PSPC1: variants seen among roughly 807,000 people sequenced by gnomAD.
PSPC1 encodes paraspeckle protein 1.
A neutral mutation model predicts 51.6 loss-of-function variants in PSPC1; 14 were observed. That is an observed-to-expected ratio of 0.27 (90% CI 0.18 to 0.42). PSPC1 has a LOEUF of 0.42. PSPC1 is among the 10% of genes least tolerant of loss of function. The pLI is 1.00. For missense variants in PSPC1, 406 were observed against 701.1 expected (o/e 0.58, Z 4.75); for synonymous variants, 193 against 231.9 (o/e 0.83, Z 1.53).
intron 3 of PSPC1, among the ~76,000 whole-genome samples, chr13:19,752,213 A>G (rs531980252): frequency 6.6e-6 from 1 of 152,264 alleles, no homozygotes; most frequent in South Asian, 2.1e-4. Flanking sequence ...CTAACTTACT[A>G]CCATTGTAGT....
chr13:19,759,511 A>G, intron 2 of PSPC1, 93 bp from the exon 3 acceptor site: 1 of 871,490 alleles, frequency 1.1e-6, no homozygotes, highest in Non-Finnish European at 1.8e-6. Context: ...AAAGATATAT[A>G]CTTAGAAAAT....
rs181785626 is a variant in PSPC1 at position 19,765,794 on chromosome 13, T to C, written c.675-6376A>G. Among the ~76,000 whole-genome samples the C allele has an allele frequency of 3.3e-4, 50 of 152,208 alleles. 1 individual carries two copies. Among genetic ancestry groups the C allele is most frequent in the African/African-American group, 1.1e-3 (46 of 41,532 alleles). On this transcript the variant is annotated intron_variant, in intron 2 of 8. Transcript: ENST00000338910. ...GGATCCAATTAGCACTGATAGTATA[T>C]CAAGGGTTAATGTTGCTTTCCTAAA...
chr13:19,749,164 T>C (rs1404909249), intron 4 of PSPC1, among the ~76,000 whole-genome samples: 1 of 152,204 alleles, frequency 6.6e-6, no homozygotes, highest in African/African-American at 2.4e-5. Flanking sequence ...CTGGCCAACA[T>C]GGTAAAACCC....
In PSPC1 at chr13:19,782,576, A is replaced by T. The variant is rs759999858; in HGVS notation, c.182T>A (p.Met61Lys). 6.2e-7 allele frequency: 1 copy of T among 1,602,734 alleles called. No homozygotes were observed. Among genetic ancestry groups the T allele is most frequent in the Non-Finnish European group, 8.5e-7 (1 of 1,175,384 alleles). Residue 61 changes from methionine (M) to lysine (K), a missense_variant, in exon 1 of 9, where the codon ATG (methionine) becomes AAG (lysine). Met to Lys is a moderately conservative substitution (Grantham distance 95, BLOSUM62 -1). Around this residue, in one of 5 missense-constraint regions of PSPC1, gnomAD observed 128 missense variants for 107.1 expected, o/e 1.20. Transcript: ENST00000338910. The surrounding 1 kb of genome is among the most constrained non-coding windows in gnomAD (Gnocchi z 4.5). Reference protein sequence around the residue: ...APPEDHPDEEMGFTIDIKSFL... With the variant: ...APPEDHPDEEKGFTIDIKSFL... ...ACTCTTGATGTCGATAGTGAACCCCATCTCCTCGTCCGGGTGGTCCTCTGG... is the reference window on the plus strand; with the variant it reads ...ACTCTTGATGTCGATAGTGAACCCCTTCTCCTCGTCCGGGTGGTCCTCTGG...
At chr13:19,714,245 CT>C (rs1347043667) in intron 6 of PSPC1, among the ~76,000 whole-genome samples, 1 of 152,086 alleles carries the variant, frequency 6.6e-6, no homozygotes, top group East Asian at 1.9e-4. Context: ...GAATGAAATA[CT>C]TTTTTCACAG....
intron 3 of PSPC1, among the ~76,000 whole-genome samples, chr13:19,753,447 C>T (rs1427070462): frequency 6.6e-6 from 1 of 151,992 alleles, no homozygotes; most frequent in East Asian, 1.9e-4. Context: ...CGTTTGTTGC[C>T]CAGGCTGGTC....
chr13:19,766,698 AT>A (rs1045288391), intron 2 of PSPC1, among the ~76,000 whole-genome samples: 1 of 151,516 alleles, frequency 6.6e-6, no homozygotes, highest in Non-Finnish European at 1.5e-5. Context: ...TCAATAAGAA[AT>A]CGTTAGTTAA....
chr13:19,750,191 C>T (rs941946079), intron 4 of PSPC1, among the ~76,000 whole-genome samples: 29 of 152,082 alleles, frequency 1.9e-4, no homozygotes, highest in African/African-American at 6.5e-4. Context: ...ATGGCAGAAA[C>T]GTTCAGCAGG....
intron 2 of PSPC1, among the ~76,000 whole-genome samples, chr13:19,771,963 G>T (rs1888664767): frequency 6.6e-6 from 1 of 152,094 alleles, no homozygotes; most frequent in African/African-American, 2.4e-5. Context: ...TTTCTGAAAG[G>T]ATTACCTTAA....
intron 1 of PSPC1, among the ~76,000 whole-genome samples, chr13:19,779,132 T>C (rs1371578664): frequency 1.2e-3 from 120 of 96,496 alleles, no homozygotes; most frequent in Middle Eastern, 6.9e-3. Context: ...ACCCTCTGCC[T>C]GGCAACCGCC....
At position 19,730,946 on chromosome 13, in the gene PSPC1, G is replaced by GAAAAAAAAAA. The variant is rs1168386647; in HGVS notation, c.1053-612_1053-603dup. ...TGGGCAACAGTGAGACCCTGTCTCA[G>GAAAAAAAAAA]AAAAAAAAAACAAAAAAACAAAAAA... On this transcript the variant is annotated intron_variant, in intron 5 of 8. Transcript: ENST00000338910. Among the ~76,000 whole-genome samples the GAAAAAAAAAA allele has an allele frequency of 1.6e-3, 41 of 25,236 alleles. 1 individual carries two copies. Among genetic ancestry groups the GAAAAAAAAAA allele is most frequent in the South Asian group, 5.3e-3 (2 of 376 alleles). 16.6% of individuals were successfully genotyped at this position (25,236 alleles called of 152,430 possible).
At chr13:19,674,259 C>T (rs1876364681), downstream of PSPC1, among the ~76,000 whole-genome samples, 1 of 149,566 alleles carries the variant, frequency 6.7e-6, no homozygotes, top group South Asian at 2.1e-4. Context: ...TCTGTTCTGC[C>T]AAAATAAATA....
chr13:19,686,040 C>T (rs1877834478), intron 6 of PSPC1, among the ~76,000 whole-genome samples: 1 of 152,200 alleles, frequency 6.6e-6, no homozygotes, highest in Non-Finnish European at 1.5e-5. Flanking sequence ...GCCACCATCA[C>T]CTCTCTCAAC....
At chr13:19,752,099 G>A (rs1391859147) in intron 3 of PSPC1, among the ~76,000 whole-genome samples, 1 of 152,144 alleles carries the variant, frequency 6.6e-6, no homozygotes, top group Admixed American at 6.6e-5. Flanking sequence ...TGGAACACAT[G>A]AATATGAATT....
chr13:19,749,873 A>G (rs924736828), intron 4 of PSPC1, among the ~76,000 whole-genome samples: 2 of 152,114 alleles, frequency 1.3e-5, no homozygotes, highest in African/African-American at 4.8e-5. Flanking sequence ...TTATAGAACT[A>G]CCAAGCTTAG....
intron 6 of PSPC1, among the ~76,000 whole-genome samples, chr13:19,686,375 C>T (rs528856557): frequency 6.6e-6 from 1 of 152,230 alleles, no homozygotes; most frequent in African/African-American, 2.4e-5. Context: ...CACAGTTATC[C>T]AGGTTGTCAA....
chr13:19,693,157 T>C (rs1480597818), intron 6 of PSPC1, among the ~76,000 whole-genome samples: 2 of 152,188 alleles, frequency 1.3e-5, no homozygotes, highest in Non-Finnish European at 2.9e-5. Context: ...GACCACATCA[T>C]GTTGCCACCC....
chr13:19,716,553 C>CA (rs1364033367), intron 6 of PSPC1, among the ~76,000 whole-genome samples: 79 of 151,998 alleles, frequency 5.2e-4, no homozygotes, highest in Admixed American at 2.4e-3. Flanking sequence ...ATGTTTATCT[C>CA]AAAAAAAGCT....
At chr13:19,679,136 A>T (rs1343455225) in intron 6 of PSPC1, 5 of 152,202 alleles carry the variant, frequency 3.3e-5, no homozygotes, top group African/African-American at 1.2e-4. Context: ...TTGGCATTCT[A>T]TCTACTCTTG....
Sources: gnomAD v4.1 joint callset for allele counts (sites outside exome capture counted in the v4.1 genomes callset) on GRCh38, gnomAD v4.1.1 for gene constraint, gnomAD v4.1.1 regional missense constraint, Gnocchi (gnomAD v3.1) non-coding constraint, MANE v1.5 for transcripts, NCBI Gene and HGNC (gene_info 2026-07-23, HGNC 2026-07-21) for gene names.